Variants in DGKH observed in about 807,000 individuals in gnomAD.
DGKH encodes the protein diacylglycerol kinase eta, also known as DAG kinase eta.
DGKH carries 90 observed loss-of-function variants against 159.3 expected under a neutral mutation model. The observed-to-expected ratio is 0.57, with a 90% confidence interval of 0.48 to 0.67. The LOEUF (loss-of-function observed/expected upper bound fraction) is 0.67. Among genes scored for constraint, DGKH ranks in the 30% least tolerant of loss-of-function variants. The probability of loss-of-function intolerance (pLI) is 0.00; values close to 1 mark genes in which losing one functional copy is unlikely to be tolerated. For missense variants in DGKH, 1,181 were observed against 1,506.1 expected, an observed-to-expected ratio of 0.78 and a Z score of 3.57; for synonymous variants, 536 against 553.8, an observed-to-expected ratio of 0.97 and a Z score of 0.45.
In DGKH at chr13:42,241,524, C is replaced by A. The variant is rs1354325277; in HGVS notation, c.*12336C>A. 1 of 152,166 alleles carries A rather than the reference C, an allele frequency of 6.6e-6. No individual in the cohort carries two copies. Among genetic ancestry groups the A allele is most frequent in the Non-Finnish European group, 1.5e-5 (1 of 68,032 alleles). The allele number at this position is 152,166 out of a possible 1,614,324, so 9.4% of individuals were successfully genotyped here. A position where few individuals can be genotyped will look rare whatever the true frequency, so the allele number is the denominator to read the frequency against. On this transcript the variant is annotated 3_prime_UTR_variant, in exon 30 of 30. Transcript: ENST00000337343. The stretch of plus-strand genomic sequence containing the variant: ...TATTTCCACAGCCGTACATGTGATC[C>A]CAGTGACTGATAGATCTGTAGAATG...
intron 8 of DGKH, among the ~76,000 whole-genome samples, chr13:42,165,963 A>G (rs891290516): frequency 1.2e-4 from 18 of 152,200 alleles, no homozygotes; most frequent in African/African-American, 4.3e-4. Flanking sequence ...GCTTTTTACC[A>G]TGTATAATGC....
intron 2 of DGKH, among the ~76,000 whole-genome samples, chr13:42,128,858 A>G (rs574061606): frequency 6.6e-6 from 1 of 152,308 alleles, no homozygotes; most frequent in South Asian, 2.1e-4. Context: ...TTCAGTTTCA[A>G]GTTCCGCTGT....
At chr13:42,058,383 A>G (rs1378867206) in intron 1 of DGKH, among the ~76,000 whole-genome samples, 1 of 152,220 alleles carries the variant, frequency 6.6e-6, no homozygotes, top group African/African-American at 2.4e-5. Context: ...TTGTTAAGTG[A>G]GGACTTACTG....
At chr13:42,154,876 TAA>T (rs72171903) in intron 3 of DGKH, among the ~76,000 whole-genome samples, 2 of 145,840 alleles carry the variant, frequency 1.4e-5, no homozygotes, top group African/African-American at 5.1e-5. Context: ...CTGCCTCTAC[TAA>T]AAAAAAAAAA....
Position 42,109,961 on chromosome 13 carries a change from A to G in DGKH, c.193-17502A>G, listed in dbSNP as rs1035943280. On this transcript the variant is annotated intron_variant, in intron 1 of 29. Transcript: ENST00000337343. The stretch of plus-strand genomic sequence containing the variant: ...AACATATATATGTGTATCTATCTAT[A>G]TCTATCTATCTATGTATCTAATCTG... Among the ~76,000 whole-genome samples, 12 of 152,242 alleles carry G rather than the reference A, an allele frequency of 7.9e-5. No individual in the cohort carries two copies. The South Asian group carries it at 1.7e-3, about 21-fold the overall frequency.
chr13:42,125,625 C>T (rs1955155084), intron 1 of DGKH, among the ~76,000 whole-genome samples: 1 of 152,166 alleles, frequency 6.6e-6, no homozygotes. Context: ...GATTTCATAA[C>T]AGTTCCAGGA....
chr13:42,117,629 G>A (rs1370781477), intron 1 of DGKH, among the ~76,000 whole-genome samples: 1 of 151,952 alleles, frequency 6.6e-6, no homozygotes, highest in Non-Finnish European at 1.5e-5. Context: ...TTGTAGCTTC[G>A]TGAAGGCAAG....
chr13:42,194,670 C>A (rs1305177351), intron 16 of DGKH, among the ~76,000 whole-genome samples: 1 of 152,126 alleles, frequency 6.6e-6, no homozygotes, highest in Non-Finnish European at 1.5e-5. Flanking sequence ...TGGTAGACAT[C>A]TATTTTCTAC....
intron 3 of DGKH, among the ~76,000 whole-genome samples, chr13:42,136,793 T>A (rs1208553154): frequency 1.3e-5 from 2 of 152,230 alleles, no homozygotes; most frequent in Non-Finnish European, 2.9e-5. Context: ...GTAACACTTA[T>A]ATTTAGAACT....
At chr13:42,108,012 C>G (rs1187469599) in intron 1 of DGKH, among the ~76,000 whole-genome samples, 1 of 152,180 alleles carries the variant, frequency 6.6e-6, no homozygotes, top group Non-Finnish European at 1.5e-5. Context: ...TGTTCTGTGT[C>G]ACCTCTGCTT....
At chr13:42,041,178 C>T (rs1182738177) in intron 1 of DGKH, among the ~76,000 whole-genome samples, 2 of 152,200 alleles carry the variant, frequency 1.3e-5, no homozygotes, top group African/African-American at 2.4e-5. Flanking sequence ...CCTGCGAGGA[C>T]CGTTTCCCGG....
intron 7 of DGKH, among the ~76,000 whole-genome samples, chr13:42,163,071 T>G (rs1363051086): frequency 3.6e-4 from 53 of 147,496 alleles, no homozygotes; most frequent in African/African-American, 1.2e-3. Context: ...GTCCACGTGT[T>G]CTCATTGTTC....
intron 13 of DGKH, among the ~76,000 whole-genome samples, chr13:42,185,997 T>G (rs61959251): frequency 9.3e-6 from 1 of 106,966 alleles, no homozygotes; most frequent in African/African-American, 3.1e-5. Flanking sequence ...GGGGGAGGAG[T>G]GGTGGTGGTG....
rs114081005 is a variant in DGKH, at chr13:42,214,694, G to A, written c.3120+82G>A. The A allele has an allele frequency of 3.1e-4, 413 of 1,314,130 alleles. 2 individuals carry two copies. In the African/African-American group the frequency reaches 4.2e-3, roughly 13 times the overall value. The allele number at this position is 1,314,130 out of a possible 1,614,324, so 81.4% of individuals were successfully genotyped here. On this transcript the variant is annotated intron_variant, in intron 25 of 29. Transcript: ENST00000337343. ...ATTTTAATACTGTAAAATATGCCAC[G>A]CCCTGTGACAGAAAGTTATGTTGTC...
At chr13:42,095,499 T>C (rs1954511674) in intron 1 of DGKH, among the ~76,000 whole-genome samples, 1 of 152,132 alleles carries the variant, frequency 6.6e-6, no homozygotes, top group South Asian at 2.1e-4. Context: ...TTAATACCTA[T>C]TGGTAGAAGA....
Position 42,209,015 on chromosome 13 carries a change from T to C in DGKH, c.2658T>C (p.Asp886=). ...DKILEVVAIF[D]SMQMAVSRVI... is the part of the protein sequence containing the mutation. Reference sequence around the variant, plus strand: ...TCCTGGAAGTTGTAGCAATATTTGATAGCATGCAAATGGCAGTTTCAAGGG... The same window carrying C: ...TCCTGGAAGTTGTAGCAATATTTGACAGCATGCAAATGGCAGTTTCAAGGG... The change falls in exon 22 of 30, where the codon GAT becomes GAC. Residue 886 remains aspartate, a synonymous_variant. Transcript: ENST00000337343. 1 of 1,613,230 alleles carries C rather than the reference T, an allele frequency of 6.2e-7. No homozygotes were observed. Among genetic ancestry groups the C allele is most frequent in the African/African-American group, 1.3e-5 (1 of 74,988 alleles).
In DGKH at chr13:42,231,299, A is replaced by AG. The variant is rs71096564; in HGVS notation, c.*2111_*2112insG. 1 allele frequency: 151,627 copies of AG among 152,310 alleles called. 75,480 individuals are homozygous for AG. Among genetic ancestry groups the AG allele is most frequent in the Middle Eastern group, 1 (296 of 296 alleles). 9.4% of individuals were successfully genotyped at this position (152,310 alleles called of 1,614,324 possible). A position where few individuals can be genotyped will look rare whatever the true frequency, so the allele number is the denominator to read the frequency against. On this transcript the variant is annotated 3_prime_UTR_variant, in exon 30 of 30. Coordinates refer to ENST00000337343, the MANE Select transcript of DGKH (RefSeq NM_178009.5). ...AACCCAGGAGATGGAGGTTGCAGTG[A>AG]CTGAGATCACACCACTGCACTCTAC... is the stretch of plus-strand genomic sequence containing the variant.
Position 42,219,910 on chromosome 13 carries a change from G to A in DGKH, c.3442+116G>A, listed in dbSNP as rs1012212901. Reference sequence around the variant, plus strand: ...CTAGATGGTGGTTGAGCATTGTGCAGTATGATGAACATACTGTCATTGAAT... The same window carrying A: ...CTAGATGGTGGTTGAGCATTGTGCAATATGATGAACATACTGTCATTGAAT... On this transcript the variant is annotated intron_variant, in intron 28 of 29. Coordinates refer to ENST00000337343, the MANE Select transcript of DGKH (RefSeq NM_178009.5). 13 of 831,266 alleles carry A rather than the reference G, an allele frequency of 1.6e-5. No individual in the cohort carries two copies. In the African/African-American group the frequency reaches 2.1e-4, roughly 13 times the overall value. The allele number at this position is 831,266 out of a possible 1,614,324, so 51.5% of individuals were successfully genotyped here.
chr13:42,077,682 T>G (rs1954125811), intron 1 of DGKH, among the ~76,000 whole-genome samples: 1 of 152,236 alleles, frequency 6.6e-6, no homozygotes, highest in Admixed American at 6.5e-5. Flanking sequence ...TAGAAACATC[T>G]TAGACTGGTT....
Sources: allele counts gnomAD v4.1 joint callset (sites outside exome capture counted in the v4.1 genomes callset), GRCh38; gene constraint gnomAD v4.1.1; transcripts MANE v1.5; gene names NCBI Gene and HGNC (gene_info 2026-07-23, HGNC 2026-07-21).